The following RTN4 variants were observed in gnomAD, a reference collection of about 807,000 sequenced individuals.
RTN4 encodes reticulon 4.
In RTN4, 32 loss-of-function variants were observed where a neutral mutation model predicts 90.4. The ratio of observed to expected loss-of-function variants is 0.35; its 90% CI spans 0.27 to 0.48. RTN4 has a LOEUF of 0.48. Among genes scored for constraint, RTN4 ranks in the 20% least tolerant of loss-of-function variants. RTN4 has a pLI of 0.99. For missense variants in RTN4, 1,706 were observed against 1,430.2 expected (o/e 1.19, Z -3.11); for synonymous variants, 629 against 552.5 (o/e 1.14, Z -1.94).
At chr2:55,111,049 A>G (rs1400501038) in intron 1 of RTN4, among the ~76,000 whole-genome samples, 1 of 132,182 alleles carries the variant, frequency 7.6e-6, no homozygotes, top group Admixed American at 7.8e-5. Flanking sequence ...TCAAAATAAC[A>G]ATAATAATAA....
intron 3 of RTN4, among the ~76,000 whole-genome samples, chr2:55,019,151 G>C (rs565892792): frequency 6.6e-6 from 1 of 152,202 alleles, no homozygotes; most frequent in Non-Finnish European, 1.5e-5. Context: ...AAAGAAAATG[G>C]AAATTCACGG....
chr2:55,067,424 T>A, intron 2 of RTN4, among the ~76,000 whole-genome samples: 1 of 135,916 alleles, frequency 7.4e-6, no homozygotes, highest in Admixed American at 7.5e-5. Flanking sequence ...TTTTTTTTTT[T>A]TTTTTTAAGA....
upstream of RTN4, among the ~76,000 whole-genome samples, chr2:55,052,857 AATG>A (rs1668121448): frequency 1.3e-5 from 2 of 152,160 alleles, no homozygotes; most frequent in African/African-American, 4.8e-5. Context: ...GAAATTCCTT[AATG>A]ATAAGTTTCA....
At chr2:55,093,704 G>A (rs1171316874) in intron 1 of RTN4, among the ~76,000 whole-genome samples, 1 of 152,120 alleles carries the variant, frequency 6.6e-6, no homozygotes, top group African/African-American at 2.4e-5. Context: ...AGAGAAATTG[G>A]TAAGAGGAAA....
At chr2:55,034,756 T>C (rs1420059541) in intron 1 of RTN4, among the ~76,000 whole-genome samples, 1 of 152,184 alleles carries the variant, frequency 6.6e-6, no homozygotes, top group Non-Finnish European at 1.5e-5. Flanking sequence ...TTTTCTCATT[T>C]CTTAGTTTCT....
chr2:54,985,692 A>C (rs1678504220), intron 4 of RTN4, among the ~76,000 whole-genome samples: 1 of 152,224 alleles, frequency 6.6e-6, no homozygotes, highest in Admixed American at 6.5e-5. Flanking sequence ...AAGCCAGAGA[A>C]AAATCACCAG....
At chr2:55,125,501 C>G in the RTN4 span, among the ~76,000 whole-genome samples, 1 of 152,206 alleles carries the variant, frequency 6.6e-6, no homozygotes, top group Non-Finnish European at 1.5e-5. Context: ...TGCGGTGGCT[C>G]ACGCCCATAA....
chr2:55,082,782 T>A (rs1668744707), intron 1 of RTN4, among the ~76,000 whole-genome samples: 3 of 152,234 alleles, frequency 2.0e-5, no homozygotes, highest in Admixed American at 6.5e-5. Context: ...GCATTTTATA[T>A]GTGTTATCTC....
chr2:55,116,434 G>A (rs919750248), upstream of RTN4, among the ~76,000 whole-genome samples: 1 of 152,126 alleles, frequency 6.6e-6, no homozygotes, highest in South Asian at 2.1e-4. Flanking sequence ...ATTAGCCATG[G>A]GATCCTGGGT....
chr2:55,034,045 T>C (rs1245923861), intron 1 of RTN4, among the ~76,000 whole-genome samples: 2 of 152,334 alleles, frequency 1.3e-5, no homozygotes, highest in East Asian at 1.9e-4. Context: ...GGTAATATAC[T>C]GATTGGTTAA....
chr2:54,999,253 T>G (rs1368048767), intron 3 of RTN4, among the ~76,000 whole-genome samples: 1 of 152,178 alleles, frequency 6.6e-6, no homozygotes, highest in Non-Finnish European at 1.5e-5. Context: ...TTCTTTAAAA[T>G]AAAAACTTCT....
intron 2 of RTN4, among the ~76,000 whole-genome samples, chr2:55,061,467 A>C (rs1412455045): frequency 6.6e-6 from 1 of 152,212 alleles, no homozygotes; most frequent in Non-Finnish European, 1.5e-5. Flanking sequence ...TTGTCCACGC[A>C]ATGTCCTTTA....
At chr2:55,005,811 T>C (rs960023708) in intron 3 of RTN4, among the ~76,000 whole-genome samples, 3 of 152,196 alleles carry the variant, frequency 2.0e-5, no homozygotes, top group Non-Finnish European at 2.9e-5. Context: ...GTTATACCCA[T>C]AGGCTGGAAG....
At chr2:55,049,530 G>A (rs1262822856) in intron 1 of RTN4, 2 of 760,144 alleles carry the variant, frequency 2.6e-6, no homozygotes, top group Admixed American at 2.5e-5. Context: ...CGTGTTCCCC[G>A]AAACCAAGAC....
intron 3 of RTN4, among the ~76,000 whole-genome samples, chr2:54,991,974 A>G (rs1303886882): frequency 1.3e-5 from 2 of 152,184 alleles, no homozygotes; most frequent in Non-Finnish European, 2.9e-5. Flanking sequence ...ACATTCTCCA[A>G]TCTCCACACC....
chr2:55,082,661 G>T (rs1375926164), intron 1 of RTN4, among the ~76,000 whole-genome samples: 1 of 152,220 alleles, frequency 6.6e-6, no homozygotes, highest in African/African-American at 2.4e-5. Flanking sequence ...ACCATGGTAG[G>T]TGTTGGAAAC....
At chr2:54,986,703 C>T (rs1558767774) in intron 4 of RTN4, among the ~76,000 whole-genome samples, 1 of 152,088 alleles carries the variant, frequency 6.6e-6, no homozygotes, top group Non-Finnish European at 1.5e-5. Flanking sequence ...CATTTAAAAA[C>T]GTGGTGAATT....
upstream of RTN4, among the ~76,000 whole-genome samples, chr2:55,055,779 A>G (rs1240412878): frequency 1.3e-5 from 2 of 151,584 alleles, no homozygotes; most frequent in African/African-American, 4.8e-5. Flanking sequence ...CAAAAAAAAA[A>G]ACAAAAAAAA....
intron 3 of RTN4, chr2:55,010,066 G>A (rs778231301): frequency 1.2e-6 from 2 of 1,611,542 alleles, no homozygotes; most frequent in Middle Eastern, 3.3e-4. Flanking sequence ...AACTGAATAA[G>A]AAATTAAAAA....
Sources: gnomAD v4.1 joint callset for allele counts (sites outside exome capture counted in the v4.1 genomes callset) on GRCh38, gnomAD v4.1.1 for gene constraint, MANE v1.5 for transcripts, NCBI Gene and HGNC (gene_info 2026-07-23, HGNC 2026-07-21) for gene names.